Variants in FBXL2 observed in about 807,000 individuals in gnomAD.
FBXL2 encodes the protein F-box/LRR-repeat protein 2.
Under a neutral mutation model 69.2 loss-of-function variants are expected in FBXL2, and 38 were observed. The ratio of observed to expected loss-of-function variants is 0.55; its 90% CI spans 0.42 to 0.72. FBXL2 has a LOEUF of 0.72. FBXL2 is among the 30% of genes least tolerant of loss of function. The pLI is 0.00. For missense variants in FBXL2, 354 were observed against 520.3 expected, an observed-to-expected ratio of 0.68 and a Z score of 3.11; for synonymous variants, 192 against 201.3, an observed-to-expected ratio of 0.95 and a Z score of 0.39.
intron 2 of FBXL2, among the ~76,000 whole-genome samples, chr3:33,342,896 T>TTTG (rs2040163462): frequency 6.9e-6 from 1 of 144,252 alleles, no homozygotes; most frequent in Admixed American, 6.9e-5. Flanking sequence ...CCCAGCTGTT[T>TTTG]TTTTTTTTTT....
chr3:33,375,324 G>T lies in FBXL2; in HGVS notation c.694G>T (p.Gly232Cys). 6.2e-7 allele frequency: 1 copy of T among 1,614,166 alleles called. No homozygotes were observed. Among genetic ancestry groups the T allele is most frequent in the East Asian group, 2.2e-5 (1 of 44,888 alleles). ...TDEGVVQICR[G>C]CHRLQALCLS... ...TGAAGGTGTGGTGCAGATATGCAGG[G>T]GCTGTCACCGGCTACAGGCTCTCTG... is the stretch of plus-strand genomic sequence containing the variant. Residue 232 changes from glycine (G) to cysteine (C), a missense_variant, in exon 10 of 15, where the codon GGC becomes TGC. Coordinates refer to ENST00000484457, the MANE Select transcript of FBXL2 (RefSeq NM_012157.5).
the FBXL2 span, among the ~76,000 whole-genome samples, chr3:33,419,430 C>A: frequency 1.3e-5 from 2 of 151,964 alleles, no homozygotes; most frequent in Admixed American, 6.6e-5. Flanking sequence ...GAGTTTGAGA[C>A]CAGCCTGGCC....
chr3:33,380,091 G>A (rs1464420065), intron 13 of FBXL2, among the ~76,000 whole-genome samples: 2 of 151,898 alleles, frequency 1.3e-5, no homozygotes, highest in Admixed American at 1.3e-4. Flanking sequence ...TGGGCGTGGT[G>A]GCACACGCCT....
chr3:33,320,936 C>A (rs1297696345), intron 2 of FBXL2, among the ~76,000 whole-genome samples: 1 of 152,008 alleles, frequency 6.6e-6, no homozygotes, highest in Non-Finnish European at 1.5e-5. Flanking sequence ...GTACATAAAA[C>A]CAACATATTC....
chr3:33,362,919 T>C (rs913028114), intron 4 of FBXL2, among the ~76,000 whole-genome samples: 1 of 151,462 alleles, frequency 6.6e-6, no homozygotes, highest in African/African-American at 2.4e-5. Context: ...TCAAAAAATA[T>C]TAATAATCAT....
At chr3:33,422,673 C>A in the FBXL2 span, among the ~76,000 whole-genome samples, 1 of 141,134 alleles carries the variant, frequency 7.1e-6, no homozygotes, top group East Asian at 2.1e-4. Flanking sequence ...TGCAATAAGT[C>A]ATGATTGTAC....
chr3:33,281,625 C>G (rs2034017429), intron 1 of FBXL2, among the ~76,000 whole-genome samples: 1 of 152,160 alleles, frequency 6.6e-6, no homozygotes, highest in Non-Finnish European at 1.5e-5. Flanking sequence ...GCCGCACTGT[C>G]TTCCACAATG....
chr3:33,352,080 T>C (rs1308511875), intron 2 of FBXL2, among the ~76,000 whole-genome samples: 1 of 152,010 alleles, frequency 6.6e-6, no homozygotes, highest in East Asian at 1.9e-4. Flanking sequence ...TAAGACTTAG[T>C]ATAAAGCTCC....
At chr3:33,416,950 T>C in the FBXL2 span, 1 of 879,024 alleles carries the variant, frequency 1.1e-6, no homozygotes, top group Non-Finnish European at 1.8e-6. Flanking sequence ...GTTTGTTAAT[T>C]TGCTACGGAA....
chr3:33,364,789 C>T, intron 5 of FBXL2, 70 bp downstream of exon 5: 1 of 1,205,472 alleles, frequency 8.3e-7, no homozygotes, highest in South Asian at 1.2e-5. Context: ...TAAACCAAGC[C>T]TATTACATGC....
At chr3:33,409,809 TTC>T in the FBXL2 span, among the ~76,000 whole-genome samples, 1 of 152,222 alleles carries the variant, frequency 6.6e-6, no homozygotes, top group African/African-American at 2.4e-5. Flanking sequence ...TCTCCAGACT[TTC>T]TGAGCTCTTG....
At chr3:33,362,868 T>G (rs2041724413) in intron 4 of FBXL2, among the ~76,000 whole-genome samples, 1 of 151,800 alleles carries the variant, frequency 6.6e-6, no homozygotes, top group Admixed American at 6.6e-5. Flanking sequence ...TTTTTCCCCC[T>G]GGTGACAAAG....
At chr3:33,290,804 C>T (rs2035147327) in intron 1 of FBXL2, among the ~76,000 whole-genome samples, 1 of 151,704 alleles carries the variant, frequency 6.6e-6, no homozygotes, top group Non-Finnish European at 1.5e-5. Context: ...ATTCAACTTT[C>T]TGAAAATCAA....
intron 1 of FBXL2, among the ~76,000 whole-genome samples, chr3:33,294,387 G>T (rs1044197014): frequency 1.3e-4 from 20 of 152,154 alleles, no homozygotes; most frequent in Non-Finnish European, 2.4e-4. Context: ...ATGAGCCACT[G>T]TGCCTGGCCC....
At chr3:33,277,754 G>A (rs527954244) in intron 1 of FBXL2, among the ~76,000 whole-genome samples, 71 of 152,272 alleles carry the variant, frequency 4.7e-4, no homozygotes, top group African/African-American at 1.7e-3. Flanking sequence ...TGCCGCTGGA[G>A]TCGGGGTGAC....
At chr3:33,418,692 C>G in the FBXL2 span, among the ~76,000 whole-genome samples, 1 of 151,590 alleles carries the variant, frequency 6.6e-6, no homozygotes, top group Non-Finnish European at 1.5e-5. Context: ...AACCTCATCT[C>G]TACTAAAAAT....
At chr3:33,383,512 A>C (rs1263093340) in intron 13 of FBXL2, 1 of 189,942 alleles carries the variant, frequency 5.3e-6, no homozygotes, top group East Asian at 1.2e-4. Flanking sequence ...TGCTCAGTAT[A>C]TCTCTGGGTC....
In FBXL2 at chr3:33,364,623, A is replaced by T; in HGVS notation, c.196-2A>T. On this transcript the variant is annotated splice_acceptor_variant, in intron 4 of 14. Transcript: ENST00000484457. LOFTEE classifies it high-confidence loss of function. The stretch of plus-strand genomic sequence containing the variant: ...TTTCCTCCCGAACTTTCTTGATTAA[A>T]GGGTCGAGTGGTGGAAAATATCTCG... 6.2e-7 allele frequency: 1 copy of T among 1,613,784 alleles called. No homozygotes were observed. The highest frequency in any genetic ancestry group is 1.1e-5 in the South Asian group (1 of 91,004).
rs552061466 is a variant in FBXL2 at position 33,366,933 on chromosome 3, A to G, written c.290+2214A>G. Among the ~76,000 whole-genome samples the G allele has an allele frequency of 3.9e-5, 6 of 152,320 alleles. 1 individual carries two copies. Among genetic ancestry groups the G allele is most frequent in the African/African-American group, 1.4e-4 (6 of 41,578 alleles). On this transcript the variant is annotated intron_variant, in intron 5 of 14. Coordinates refer to ENST00000484457, the MANE Select transcript of FBXL2 (RefSeq NM_012157.5). ...TGAGCAAGCAACAGAACGAGACTCC[A>G]TCTCAAAAATAAATAAATTAAATAA...
Sources: gnomAD v4.1 joint callset for allele counts (sites outside exome capture counted in the v4.1 genomes callset) on GRCh38, gnomAD v4.1.1 for gene constraint, MANE v1.5 for transcripts, NCBI Gene and HGNC (gene_info 2026-07-23, HGNC 2026-07-21) for gene names.